Variants in STK32B observed in about 807,000 individuals in gnomAD.
The protein encoded by STK32B is serine/threonine kinase 32B, also known as serine/threonine-protein kinase 32B.
A neutral mutation model predicts 52.6 loss-of-function variants in STK32B; 43 were observed. The ratio of observed to expected loss-of-function variants is 0.82; its 90% confidence interval spans 0.64 to 1.05. STK32B has a LOEUF of 1.05. STK32B is among the 50% of genes least tolerant of loss of function. STK32B has a pLI of 0.00. For synonymous variants in STK32B, 238 were observed against 204.3 expected (o/e 1.17, Z -1.41); for missense variants, 621 against 534.6 (o/e 1.16, Z -1.59).
intron 6 of STK32B, among the ~76,000 whole-genome samples, chr4:5,436,315 C>T (rs921781378): frequency 1.3e-5 from 2 of 152,222 alleles, no homozygotes; most frequent in African/African-American, 4.8e-5. Context: ...ATATTGATGT[C>T]ATAATCCCTA....
intron 3 of STK32B, among the ~76,000 whole-genome samples, chr4:5,230,373 A>G (rs1468749379): frequency 6.6e-6 from 1 of 151,616 alleles, no homozygotes; most frequent in African/African-American, 2.4e-5. Context: ...TATTTTTAGT[A>G]GAGATGGGGT....
intron 3 of STK32B, among the ~76,000 whole-genome samples, chr4:5,256,019 C>G (rs1577253613): frequency 6.6e-6 from 1 of 152,240 alleles, no homozygotes; most frequent in East Asian, 1.9e-4. Context: ...GCTATATTGA[C>G]TATACTGAAT....
chr4:5,318,511 GTC>G (rs1731268497), intron 3 of STK32B, among the ~76,000 whole-genome samples: 1 of 152,130 alleles, frequency 6.6e-6, no homozygotes, highest in African/African-American at 2.4e-5. Context: ...AAATTGGAGA[GTC>G]CTGATCACAT....
chr4:5,199,963 C>T (rs1411943441), intron 3 of STK32B, among the ~76,000 whole-genome samples: 1 of 152,132 alleles, frequency 6.6e-6, no homozygotes, highest in Non-Finnish European at 1.5e-5. Flanking sequence ...GTCTTCTTCC[C>T]TCTGGTTGAA....
rs531214709 is a variant in STK32B at position 5,417,007 on chromosome 4, C to G, written c.562+73C>G. On this transcript the variant is annotated intron_variant, in intron 6 of 11. Coordinates refer to ENST00000282908, the MANE Select transcript of STK32B (RefSeq NM_018401.3). ...AAGACTCAGCATCCTTCTCTTGTTT[C>G]ATCTGCCACTGCCCGCTGCCACATA... The G allele has an allele frequency of 2.6e-5, 36 of 1,375,578 alleles. No individual in the cohort carries two copies. In the Admixed American group the frequency reaches 7.5e-4, roughly 29 times the overall value. The allele number at this position is 1,375,578 out of a possible 1,614,324, so 85.2% of individuals were successfully genotyped here.
Position 5,247,288 on chromosome 4 carries a change from C to T in STK32B, c.260+78838C>T, listed in dbSNP as rs369725859. 3.9e-5 allele frequency among the ~76,000 whole-genome samples: 6 copies of T among 152,350 alleles called. No individual in the cohort carries two copies. The South Asian group carries it at 1.0e-3, about 26-fold the overall frequency. On this transcript the variant is annotated intron_variant, in intron 3 of 11. Transcript: ENST00000282908. ...TGAGCAATGGTGGGTGCCCCTCCCC[C>T]AGCCTCACTGCTGCCTTGCAGTTAG...
At chr4:5,256,988 GGGATGAATATGTGAGTGAGT>G (rs1389490433) in intron 3 of STK32B, among the ~76,000 whole-genome samples, 6 of 152,016 alleles carry the variant, frequency 3.9e-5, no homozygotes, top group Non-Finnish European at 7.4e-5. Flanking sequence ...AGTGGGTGAG[GGGATGAATATGTGAGTGAGT>G]GGATGAATAA....
At chr4:5,217,301 C>G (rs1453497154) in intron 3 of STK32B, among the ~76,000 whole-genome samples, 1 of 152,190 alleles carries the variant, frequency 6.6e-6, no homozygotes, top group Non-Finnish European at 1.5e-5. Context: ...ACCTGTAGAA[C>G]TGAAATATTT....
At chr4:5,145,713 C>G (rs954925172) in intron 2 of STK32B, among the ~76,000 whole-genome samples, 3 of 151,992 alleles carry the variant, frequency 2.0e-5, no homozygotes, top group Non-Finnish European at 2.9e-5. Context: ...GGTTGTTTGT[C>G]TTATTTAATT....
chr4:5,284,240 C>T (rs1728400837), intron 3 of STK32B, among the ~76,000 whole-genome samples: 1 of 152,042 alleles, frequency 6.6e-6, no homozygotes, highest in Non-Finnish European at 1.5e-5. Flanking sequence ...CTGCTCAAAA[C>T]ATAAGAAAAC....
intron 1 of STK32B, among the ~76,000 whole-genome samples, chr4:5,087,135 A>C (rs1712774751): frequency 6.6e-6 from 1 of 152,160 alleles, no homozygotes; most frequent in Non-Finnish European, 1.5e-5. Context: ...GCACATAATA[A>C]AGCTATAATA....
chr4:5,462,960 C>T (rs1190586285), intron 9 of STK32B, among the ~76,000 whole-genome samples: 3 of 152,182 alleles, frequency 2.0e-5, no homozygotes, highest in African/African-American at 7.2e-5. Flanking sequence ...GACCCGCAGG[C>T]TCTGCTGAGC....
intron 3 of STK32B, among the ~76,000 whole-genome samples, chr4:5,232,127 G>T (rs1724315006): frequency 6.6e-6 from 1 of 152,108 alleles, no homozygotes; most frequent in East Asian, 1.9e-4. Context: ...GTGTGCCCTG[G>T]ACCTTTTTGA....
intron 3 of STK32B, among the ~76,000 whole-genome samples, chr4:5,222,305 T>TG (rs1250586547): frequency 6.6e-6 from 1 of 152,070 alleles, no homozygotes; most frequent in Non-Finnish European, 1.5e-5. Context: ...AACTGGGTAA[T>TG]GGGTAGAGGC....
rs28575267 is a variant in STK32B at position 5,396,054 on chromosome 4, C to G, written c.435-2153C>G. ...AGGTTTGCCCTCAACTCTATCAGCT[C>G]TCCTTCCACCGTGCCAGTTGTGTTA... On this transcript the variant is annotated intron_variant, in intron 4 of 11. Coordinates refer to ENST00000282908, the MANE Select transcript of STK32B (RefSeq NM_018401.3). The surrounding 1 kb of genome is among the most constrained non-coding windows in gnomAD (Gnocchi z 4.7). Among the ~76,000 whole-genome samples the G allele has an allele frequency of 0.011, 1,737 of 152,362 alleles. 21 individuals are homozygous for G. Among genetic ancestry groups the G allele is most frequent in the South Asian group, 0.057 (275 of 4,822 alleles).
chr4:5,198,146 C>T (rs865899337), intron 3 of STK32B, among the ~76,000 whole-genome samples: 1 of 152,148 alleles, frequency 6.6e-6, no homozygotes, highest in African/African-American at 2.4e-5. Flanking sequence ...TGTTGCCTAA[C>T]AATGGATACT....
At chr4:5,424,791 G>GC (rs34124126) in intron 6 of STK32B, among the ~76,000 whole-genome samples, 101,251 of 152,060 alleles carry the variant, frequency 0.67, 34,044 homozygotes, top group Middle Eastern at 0.8. Context: ...GCTGAAATAT[G>GC]CCCCCTGCTC....
intron 3 of STK32B, among the ~76,000 whole-genome samples, chr4:5,263,288 C>T (rs4393948): frequency 2.6e-5 from 4 of 151,988 alleles, no homozygotes; most frequent in Admixed American, 6.5e-5. Context: ...ATGTAGCATC[C>T]GGGTGTGTCT....
the STK32B span, among the ~76,000 whole-genome samples, chr4:5,027,627 C>A: frequency 6.6e-6 from 1 of 151,444 alleles, no homozygotes; most frequent in Non-Finnish European, 1.5e-5. Context: ...GCTGGAGTGA[C>A]TGTGGTTTTG....
Sources: allele counts gnomAD v4.1 joint callset (sites outside exome capture counted in the v4.1 genomes callset), GRCh38; gene constraint gnomAD v4.1.1; non-coding constraint Gnocchi (gnomAD v3.1); transcripts MANE v1.5; gene names NCBI Gene and HGNC (gene_info 2026-07-23, HGNC 2026-07-21).